The following GALNT15 variants were observed in gnomAD, a reference collection of about 807,000 sequenced individuals.
GALNT15 encodes the protein UDP-GalNAc transferase T15.
Under a neutral mutation model 66.8 loss-of-function variants are expected in GALNT15, and 67 were observed. That is an observed-to-expected ratio of 1.00 (90% CI 0.82 to 1.23). The LOEUF is 1.23. GALNT15 is among the 50% of genes most tolerant of loss of function. The probability of loss-of-function intolerance (pLI) is 0.00; values close to 1 mark genes in which losing one functional copy is unlikely to be tolerated. For synonymous variants in GALNT15, 313 were observed against 311.5 expected (o/e 1.00, Z -0.05); for missense variants, 827 against 804.3 (o/e 1.03, Z -0.34).
intron 4 of GALNT15, 100 bp downstream of exon 4, chr3:16,208,770 A>G: frequency 9.4e-7 from 1 of 1,065,028 alleles, no homozygotes; most frequent in Non-Finnish European, 1.4e-6. Flanking sequence ...GTTTCCTAGT[A>G]AATTACTTAA....
At chr3:16,226,413 T>C (rs558857364) in intron 9 of GALNT15, among the ~76,000 whole-genome samples, 98 of 150,252 alleles carry the variant, frequency 6.5e-4, no homozygotes, top group African/African-American at 2.0e-3. Flanking sequence ...AAAAAAGAGG[T>C]TTAATTGACT....
In GALNT15 at chr3:16,191,352, T is replaced by C. The variant is rs2063575724; in HGVS notation, c.540-4408T>C. On this transcript the variant is annotated intron_variant, in intron 1 of 9. Coordinates refer to ENST00000339732, the MANE Select transcript of GALNT15 (RefSeq NM_054110.5). The surrounding 1 kb of genome is among the most constrained non-coding windows in gnomAD (Gnocchi z 5.2). ...GTAGTAATGGGACATCTGTTAATAA[T>C]GGCAGCAAACGCATGGTGCTCACTC... The C allele has an allele frequency of 1.0e-6, 1 of 984,640 alleles. No homozygotes were observed. The highest frequency in any genetic ancestry group is 1.2e-6 in the Non-Finnish European group (1 of 829,160). The allele number at this position is 984,640 out of a possible 1,614,324, so 61.0% of individuals were successfully genotyped here.
In GALNT15 at chr3:16,175,558, G is replaced by A. The variant is rs1212316385; in HGVS notation, c.407G>A (p.Gly136Glu). 1.5e-5 allele frequency: 24 copies of A among 1,613,926 alleles called. No individual in the cohort carries two copies. The highest frequency in any genetic ancestry group is 1.9e-5 in the Non-Finnish European group (23 of 1,179,992). The change falls in exon 1 of 10, where the codon GGG becomes GAG. Residue 136 changes from glycine (G) to glutamate (E), a missense_variant. By Grantham distance (98) the Gly-to-Glu change is moderately conservative. Coordinates refer to ENST00000339732, the MANE Select transcript of GALNT15 (RefSeq NM_054110.5). This position sits in a 1 kb window ranked among gnomAD's most constrained non-coding sequence, Gnocchi z 5.6. ...QDKEAPKRDW[G>E]ADEDGEVSEE... ...AAGGAAGCCCCAAAGAGGGACTGGG[G>A]GGCTGATGAGGACGGGGAGGTGTCT...
rs185986137 is a variant in GALNT15, at chr3:16,184,514, T to C, written c.539+8824T>C. Among the ~76,000 whole-genome samples the C allele has an allele frequency of 7.2e-5, 11 of 152,356 alleles. No homozygotes were observed. The highest frequency in any genetic ancestry group is 1.0e-4 in the Non-Finnish European group (7 of 68,028). On this transcript the variant is annotated intron_variant, in intron 1 of 9. Coordinates refer to ENST00000339732, the MANE Select transcript of GALNT15 (RefSeq NM_054110.5). The surrounding 1 kb of genome is among the most constrained non-coding windows in gnomAD (Gnocchi z 5.0). ...CCACCTGCACTCTCTCTCTGGGCTG[T>C]GTCCTACCCACCCTTCAGGTCTTGG... is the stretch of plus-strand genomic sequence containing the variant.
intron 9 of GALNT15, among the ~76,000 whole-genome samples, chr3:16,226,749 T>C (rs1423207899): frequency 6.6e-6 from 1 of 152,242 alleles, no homozygotes; most frequent in African/African-American, 2.4e-5. Flanking sequence ...AAATGAATGA[T>C]GAATAAATAG....
At chr3:16,247,624 C>T in the GALNT15 span, among the ~76,000 whole-genome samples, 2 of 152,236 alleles carry the variant, frequency 1.3e-5, no homozygotes, top group African/African-American at 4.8e-5. Context: ...AACCCCACAA[C>T]TGATAAAAGA....
chr3:16,208,430 C>T (rs2063780006), intron 3 of GALNT15, 73 bp from the exon 4 acceptor site: 1 of 1,517,078 alleles, frequency 6.6e-7, no homozygotes, highest in Non-Finnish European at 9.1e-7. Flanking sequence ...CTGGGCAGCC[C>T]ATGTACAGAC....
At chr3:16,222,041 G>C (rs1023943911) in intron 8 of GALNT15, among the ~76,000 whole-genome samples, 2 of 152,196 alleles carry the variant, frequency 1.3e-5, no homozygotes, top group Non-Finnish European at 2.9e-5. Context: ...GTAGAAATGG[G>C]TTCAGGCTGC....
At chr3:16,205,415 A>G (rs562260494) in intron 3 of GALNT15, among the ~76,000 whole-genome samples, 125 of 152,318 alleles carry the variant, frequency 8.2e-4, no homozygotes, top group African/African-American at 3.0e-3. Flanking sequence ...GATCTCACGT[A>G]TTTCAGTGAA....
At chr3:16,192,718 G>A (rs2063592010) in intron 1 of GALNT15, among the ~76,000 whole-genome samples, 1 of 152,208 alleles carries the variant, frequency 6.6e-6, no homozygotes, top group Admixed American at 6.5e-5. Flanking sequence ...GACTATGCAT[G>A]TGCTGGGGAC....
chr3:16,222,505 CT>C, intron 8 of GALNT15, 109 bp from the exon 9 acceptor site: 1 of 1,314,606 alleles, frequency 7.6e-7, no homozygotes, highest in African/African-American at 1.5e-5. Flanking sequence ...CCGATAGAAT[CT>C]GAAGATTGCC....
rs1041998663 is a variant in GALNT15, at chr3:16,224,639, T to C, written c.1773+1881T>C. On this transcript the variant is annotated intron_variant, in intron 9 of 9. Coordinates refer to ENST00000339732, the MANE Select transcript of GALNT15 (RefSeq NM_054110.5). This position sits in a 1 kb window ranked among gnomAD's most constrained non-coding sequence, Gnocchi z 5.2. ...CTATTGTAGTAGGCTATTCTTTTTT[T>C]TTTTTTTTTTTTTAAAGAGGGAGTT... is the stretch of plus-strand genomic sequence containing the variant. 6.8e-4 allele frequency among the ~76,000 whole-genome samples: 103 copies of C among 151,504 alleles called. 2 individuals are homozygous for C. The East Asian group carries it at 0.018, about 27-fold the overall frequency.
At position 16,222,758 on chromosome 3, in the gene GALNT15, G is replaced by T. The variant is rs1265977644; in HGVS notation, c.1773G>T (p.Glu591Asp). ...ACCAGCAGCACTGGGACTTCCAGGA[G>T]GTGAGTAATCTGTTCAGGAAGAGCC... ...AIHQQHWDFQENGMIVHILSG... is the reference protein window; with the variant it reads ...AIHQQHWDFQDNGMIVHILSG... Residue 591 changes from glutamate to aspartate, a missense_variant and splice_region_variant, in exon 9 of 10, where the codon GAG becomes GAT. Coordinates refer to ENST00000339732, the MANE Select transcript of GALNT15 (RefSeq NM_054110.5). 1 of 1,613,950 alleles carries T rather than the reference G, an allele frequency of 6.2e-7. No homozygotes were observed. Among genetic ancestry groups the T allele is most frequent in the Admixed American group, 1.7e-5 (1 of 60,024 alleles).
In GALNT15 at chr3:16,219,008, G is replaced by A. The variant is rs894159154; in HGVS notation, c.1393-395G>A. Among the ~76,000 whole-genome samples, 6 of 151,964 alleles carry A rather than the reference G, an allele frequency of 3.9e-5. No individual in the cohort carries two copies. The highest frequency in any genetic ancestry group is 8.8e-5 in the Non-Finnish European group (6 of 67,992). The stretch of plus-strand genomic sequence containing the variant: ...TTTTTGTATTTTTAGTAGAGATGGG[G>A]TTTCACCATGTTGGCCAGGCTGGTC... On this transcript the variant is annotated intron_variant, in intron 6 of 9. Transcript: ENST00000339732. This position sits in a 1 kb window ranked among gnomAD's most constrained non-coding sequence, Gnocchi z 4.3.
chr3:16,219,291 C>T lies in GALNT15; in HGVS notation c.1393-112C>T, dbSNP rs1203614474. 2.9e-6 allele frequency: 4 copies of T among 1,398,664 alleles called. No individual in the cohort carries two copies. Among genetic ancestry groups the T allele is most frequent in the Admixed American group, 3.9e-5 (2 of 50,940 alleles). 86.6% of individuals were successfully genotyped at this position (1,398,664 alleles called of 1,614,324 possible). A position where few individuals can be genotyped will look rare whatever the true frequency, so the allele number is the denominator to read the frequency against. ...GCCCTGGAGAACTGTGGTCTTGGCC[C>T]CTTCCTTCTGTCCTGATCCTTTAGC... On this transcript the variant is annotated intron_variant, in intron 6 of 9. Transcript: ENST00000339732. The surrounding 1 kb of genome is among the most constrained non-coding windows in gnomAD (Gnocchi z 4.3).
chr3:16,236,823 G>C (rs550015774), downstream of GALNT15, among the ~76,000 whole-genome samples: 110 of 152,314 alleles, frequency 7.2e-4, no homozygotes, highest in Admixed American at 2.4e-3. Flanking sequence ...AAAGATTCCA[G>C]GGGCCTTCAC....
At chr3:16,243,690 T>TG in the GALNT15 span, among the ~76,000 whole-genome samples, 285 of 152,334 alleles carry the variant, frequency 1.9e-3, 1 homozygote, top group African/African-American at 6.7e-3. Context: ...AGCATGGTCT[T>TG]GCTAGGGAGC....
At chr3:16,220,976 T>A (rs1030043290) in intron 8 of GALNT15, among the ~76,000 whole-genome samples, 52 of 152,188 alleles carry the variant, frequency 3.4e-4, no homozygotes, top group Admixed American at 1.3e-4. Flanking sequence ...GATGCAGACA[T>A]AAACATCAAG....
chr3:16,177,687 G>T (rs1574966364), intron 1 of GALNT15, among the ~76,000 whole-genome samples: 1 of 152,236 alleles, frequency 6.6e-6, no homozygotes. Flanking sequence ...CACATGCATT[G>T]TTCATCTGGG....
Sources: gnomAD v4.1 joint callset for allele counts (sites outside exome capture counted in the v4.1 genomes callset) on GRCh38, gnomAD v4.1.1 for gene constraint, Gnocchi (gnomAD v3.1) non-coding constraint, MANE v1.5 for transcripts, NCBI Gene and HGNC (gene_info 2026-07-23, HGNC 2026-07-21) for gene names.